TBL1X: variants seen among roughly 807,000 people sequenced by gnomAD.
TBL1X encodes the protein F-box-like/WD repeat-containing protein TBL1X.
Under a neutral mutation model 50.7 loss-of-function variants are expected in TBL1X, and 10 were observed. The observed-to-expected ratio is 0.20, with a 90% CI of 0.12 to 0.33. The LOEUF is 0.33. Among genes scored for constraint, TBL1X ranks in the 10% least tolerant of loss-of-function variants. The probability of loss-of-function intolerance (pLI) is 1.00; values close to 1 mark genes in which losing one functional copy is unlikely to be tolerated. For missense variants in TBL1X, 340 were observed against 504.4 expected (o/e 0.67, Z 3.12); for synonymous variants, 190 against 214.7 (o/e 0.88, Z 1.01).
At chrX:9,626,603 G>A (rs1043264147) in intron 2 of TBL1X, among the ~76,000 whole-genome samples, 1 of 112,499 alleles carries the variant, frequency 8.9e-6, no homozygotes, top group African/African-American at 3.2e-5. Context: ...CTTGCTTCAA[G>A]TGAAATCCCT....
At chrX:9,707,298 C>G (rs1353419027) in intron 13 of TBL1X, among the ~76,000 whole-genome samples, 1 of 111,930 alleles carries the variant, frequency 8.9e-6, no homozygotes, top group Non-Finnish European at 1.9e-5. Flanking sequence ...CACCTATCGT[C>G]CTGTTAACAT....
intron 2 of TBL1X, among the ~76,000 whole-genome samples, chrX:9,559,363 T>C (rs1263547869): frequency 1.4e-4 from 16 of 111,424 alleles, no homozygotes; most frequent in Non-Finnish European, 2.8e-4. Context: ...AGTGTTGCAG[T>C]GGATGATGGT....
intron 2 of TBL1X, among the ~76,000 whole-genome samples, chrX:9,519,634 G>A (rs1269616073): frequency 8.9e-6 from 1 of 111,916 alleles, no homozygotes; most frequent in Non-Finnish European, 1.9e-5. Context: ...TTCTTTTTGA[G>A]ACATGAAGTA....
At chrX:9,611,768 T>C (rs2082614899) in intron 2 of TBL1X, among the ~76,000 whole-genome samples, 1 of 112,278 alleles carries the variant, frequency 8.9e-6, no homozygotes, top group Admixed American at 9.4e-5. Context: ...AGTGGCACCA[T>C]TGCCTGTGTC....
At chrX:9,589,001 C>T (rs1343910058) in intron 2 of TBL1X, among the ~76,000 whole-genome samples, 1 of 111,300 alleles carries the variant, frequency 9.0e-6, no homozygotes, top group African/African-American at 3.3e-5. Flanking sequence ...GTAAGTGATC[C>T]TAATCCCTGC....
chrX:9,687,372 C>G (rs2083066034), intron 6 of TBL1X, among the ~76,000 whole-genome samples: 1 of 112,379 alleles, frequency 8.9e-6, no homozygotes, highest in African/African-American at 3.2e-5. Flanking sequence ...GAATCCAGGC[C>G]TAAATGCTGT....
At chrX:9,674,745 A>G (rs1677147197) in intron 5 of TBL1X, among the ~76,000 whole-genome samples, 1 of 83,999 alleles carries the variant, frequency 1.2e-5, no homozygotes, top group South Asian at 6.8e-4. Context: ...CACTCAACTA[A>G]TTATTTTTAT....
At chrX:9,645,054 A>G (rs146797858) in intron 3 of TBL1X, 3 of 111,773 alleles carry the variant, frequency 2.7e-5, no homozygotes, top group Non-Finnish European at 5.6e-5. Flanking sequence ...CATTTCCTAT[A>G]TAGTTGTTTT....
chrX:9,634,129 C>T (rs990943562), intron 2 of TBL1X, among the ~76,000 whole-genome samples: 8 of 111,751 alleles, frequency 7.2e-5, no homozygotes, highest in African/African-American at 9.8e-5. Flanking sequence ...TTTGCACTCA[C>T]GACGCACAAT....
At chrX:9,657,944 A>T (rs1206743930) in intron 5 of TBL1X, among the ~76,000 whole-genome samples, 1 of 112,089 alleles carries the variant, frequency 8.9e-6, no homozygotes, top group Non-Finnish European at 1.9e-5. Context: ...TAGCTCCCGT[A>T]ATTCCCACAT....
At chrX:9,476,901 A>T (rs1306183936) in intron 1 of TBL1X, among the ~76,000 whole-genome samples, 1 of 112,492 alleles carries the variant, frequency 8.9e-6, no homozygotes, top group Non-Finnish European at 1.9e-5. Flanking sequence ...AAGTTAGCAA[A>T]ATTATATAAC....
chrX:9,611,300 C>T (rs980819163), intron 2 of TBL1X, among the ~76,000 whole-genome samples: 2 of 112,568 alleles, frequency 1.8e-5, no homozygotes, highest in African/African-American at 3.2e-5. Context: ...ACAAGCAAAA[C>T]ACTCTGTCTT....
At chrX:9,633,517 C>A (rs769017511) in intron 2 of TBL1X, among the ~76,000 whole-genome samples, 99 of 111,884 alleles carry the variant, frequency 8.8e-4, no homozygotes, top group African/African-American at 2.9e-3. Flanking sequence ...GGATGCTGGC[C>A]CAATTTTGAT....
rs189675302 is a variant in TBL1X, at chrX:9,536,370, C to G, written c.-131+34521C>G. 5.2e-3 allele frequency among the ~76,000 whole-genome samples: 573 copies of G among 109,502 alleles called. 6 individuals are homozygous for G. Among genetic ancestry groups the G allele is most frequent in the African/African-American group, 0.018 (549 of 29,953 alleles). On this transcript the variant is annotated intron_variant, in intron 2 of 17. Transcript: ENST00000645353. ...GGTTCAAGCGATTCTTCTGCGTCAG[C>G]CTCCGGAGTAGCTGGGACTACAGGC...
At chrX:9,574,872 T>C (rs887875333) in intron 2 of TBL1X, among the ~76,000 whole-genome samples, 1 of 112,083 alleles carries the variant, frequency 8.9e-6, no homozygotes, top group Admixed American at 9.5e-5. Flanking sequence ...TACTGAGATG[T>C]AATTTACATA....
intron 12 of TBL1X, among the ~76,000 whole-genome samples, chrX:9,699,043 C>T (rs914715715): frequency 1.5e-4 from 17 of 111,712 alleles, no homozygotes; most frequent in Non-Finnish European, 2.4e-4. Flanking sequence ...TGCAGTGGTG[C>T]GATCTCAGCT....
intron 2 of TBL1X, among the ~76,000 whole-genome samples, chrX:9,564,951 C>G (rs1267411401): frequency 9.1e-6 from 1 of 109,395 alleles, no homozygotes; most frequent in African/African-American, 3.3e-5. Context: ...AATAATAATT[C>G]TAGGAGAACA....
At chrX:9,555,557 T>G (rs1032155688) in intron 2 of TBL1X, among the ~76,000 whole-genome samples, 2 of 111,397 alleles carry the variant, frequency 1.8e-5, no homozygotes, top group Non-Finnish European at 3.8e-5. Flanking sequence ...TGGGGTAGAT[T>G]TCTAGGAGTG....
intron 3 of TBL1X, among the ~76,000 whole-genome samples, chrX:9,651,476 A>G (rs2082835214): frequency 8.9e-6 from 1 of 112,449 alleles, no homozygotes; most frequent in Non-Finnish European, 1.9e-5. Flanking sequence ...ATGTAGAGAG[A>G]AACCTAAACT....
Sources: allele counts gnomAD v4.1 joint callset (sites outside exome capture counted in the v4.1 genomes callset), GRCh38; gene constraint gnomAD v4.1.1; transcripts MANE v1.5; gene names NCBI Gene and HGNC (gene_info 2026-07-23, HGNC 2026-07-21).